Variants in CHD4 observed in about 807,000 individuals in gnomAD.
CHD4 encodes the protein chromodomain helicase DNA binding protein 4.
A neutral mutation model predicts 235.5 loss-of-function variants in CHD4; 35 were observed. The observed-to-expected ratio is 0.15, with a 90% confidence interval of 0.11 to 0.20. The LOEUF (loss-of-function observed/expected upper bound fraction) is 0.20, where lower values mean the gene tolerates loss of function less well. Among genes scored for constraint, CHD4 ranks in the 10% least tolerant of loss-of-function variants. The pLI is 1.00. For missense variants in CHD4, 1,329 were observed against 2,432.3 expected (o/e 0.55, Z 9.54); for synonymous variants, 900 against 850.2 (o/e 1.06, Z -1.02).
intron 33 of CHD4, chr12:6,580,657 A>C (rs1948165100): frequency 5.6e-6 from 1 of 178,768 alleles, no homozygotes; most frequent in Non-Finnish European, 1.1e-5. Flanking sequence ...CAGTAAGCCG[A>C]GATCGCACCA....
Position 6,592,707 on chromosome 12 carries a change from G to C in CHD4, c.2763C>G (p.Pro921=), listed in dbSNP as rs750978209. ...ELFHLLNFLT[P]ERFHNLEGFL... is the part of the protein sequence containing the mutation. ...AAACACATACTTACTGGAACCTCTC[G>C]GGGGTGAGAAAGTTGAGCAGATGAA... Residue 921 remains proline (P), a synonymous_variant, in exon 18 of 40, where the codon CCC becomes CCG. Transcript: ENST00000544040. The C allele has an allele frequency of 3.7e-6, 6 of 1,613,996 alleles. No homozygotes were observed. The highest frequency in any genetic ancestry group is 1.7e-5 in the Admixed American group (1 of 59,988).
intron 25 of CHD4, 33 bp downstream of exon 25, chr12:6,587,351 C>A (rs751323344): frequency 6.3e-7 from 1 of 1,596,918 alleles, no homozygotes; most frequent in Non-Finnish European, 8.6e-7. Flanking sequence ...AGACCAATTA[C>A]CAAGCACAGG....
Position 6,597,666 on chromosome 12 carries a change from T to C in CHD4, c.1892+228A>G, listed in dbSNP as rs373383777. 4.6e-5 allele frequency among the ~76,000 whole-genome samples: 7 copies of C among 152,042 alleles called. No homozygotes were observed. The East Asian group carries it at 9.7e-4, about 21-fold the overall frequency. Reference sequence around the variant, plus strand: ...CTGTAGTCCCAGCTTCTCAGGAGGCTGAGGCAGGATAATCACTTGAATCTG... The same window carrying C: ...CTGTAGTCCCAGCTTCTCAGGAGGCCGAGGCAGGATAATCACTTGAATCTG... On this transcript the variant is annotated intron_variant, in intron 12 of 39. Transcript: ENST00000544040.
At chr12:6,587,188 G>T (rs1391775276) in intron 25 of CHD4, 196 bp downstream of exon 25, 1 of 591,804 alleles carries the variant, frequency 1.7e-6, no homozygotes, top group African/African-American at 1.9e-5. Context: ...TTGGTTGTAA[G>T]TTTTCTGACA....
intron 2 of CHD4, among the ~76,000 whole-genome samples, chr12:6,604,166 T>G (rs1182946438): frequency 6.6e-6 from 1 of 151,990 alleles, no homozygotes; most frequent in Non-Finnish European, 1.5e-5. Flanking sequence ...TCCCAGCTAC[T>G]CAGGAGGCTG....
chr12:6,588,420 G>A lies in CHD4; in HGVS notation c.3343C>T (p.Pro1115Ser). The change falls in exon 23 of 40, where the codon CCG becomes TCG. Residue 1115 changes from proline (P) to serine (S), a missense_variant and splice_region_variant. By Grantham distance (74) the Pro-to-Ser change is moderately conservative (BLOSUM62 -1). Transcript: ENST00000544040. Reference protein sequence around the residue: ...RQEAIDRFNAPGAQQFCFLLS... With the variant: ...RQEAIDRFNASGAQQFCFLLS... ...AAGAAGCAGAACTGCTGAGCACCCGGTGCTAATAAAAGAACCAAAAACACC... is the reference window on the plus strand; with the variant it reads ...AAGAAGCAGAACTGCTGAGCACCCGATGCTAATAAAAGAACCAAAAACACC... The A allele has an allele frequency of 6.2e-7, 1 of 1,613,282 alleles. No individual in the cohort carries two copies. Among genetic ancestry groups the A allele is most frequent in the Non-Finnish European group, 8.5e-7 (1 of 1,179,754 alleles).
intron 14 of CHD4, 57 bp downstream of exon 14, chr12:6,595,277 G>A: frequency 5.1e-6 from 7 of 1,385,956 alleles, no homozygotes; most frequent in Non-Finnish European, 7.2e-6. Context: ...TCATTAGACT[G>A]CAGCAAAGAT....
intron 25 of CHD4, among the ~76,000 whole-genome samples, chr12:6,584,958 C>G (rs1249406820): frequency 6.6e-6 from 1 of 152,138 alleles, no homozygotes; most frequent in Non-Finnish European, 1.5e-5. Flanking sequence ...TTCAGCCACA[C>G]TTACATATAA....
rs144286273 is a variant in CHD4, at chr12:6,601,707, C to T, written c.498G>A (p.Val166=). ...GGGTTCGATAATCCTCCTCTGAGAA[C>T]ACGTGGTCAATGTCTTCCATGCCCC... ...EDWGMEDIDH[V]FSEEDYRTLT... Residue 166 remains valine, a synonymous_variant, in exon 5 of 40, where the codon GTG becomes GTA. Transcript: ENST00000544040. 7 of 1,614,176 alleles carry T rather than the reference C, an allele frequency of 4.3e-6. No individual in the cohort carries two copies. The African/African-American group carries it at 5.3e-5, about 12-fold the overall frequency.
At chr12:6,570,842 G>A (rs1408858078) in intron 39 of CHD4, 27 bp downstream of exon 39, 2 of 1,613,816 alleles carry the variant, frequency 1.2e-6, no homozygotes, top group African/African-American at 1.3e-5. Context: ...GCAGGAAGAG[G>A]TGGTGTCAAG....
At chr12:6,602,626 C>T (rs555755904) in intron 2 of CHD4, 129 bp from the exon 3 acceptor site, 7 of 1,222,194 alleles carry the variant, frequency 5.7e-6, no homozygotes, top group African/African-American at 1.5e-5. Context: ...AACTGCTATA[C>T]TCTGTACAGG....
intron 9 of CHD4, 36 bp downstream of exon 9, chr12:6,600,181 A>C: frequency 6.2e-7 from 1 of 1,608,530 alleles, no homozygotes; most frequent in Non-Finnish European, 8.5e-7. Flanking sequence ...CCTTCTTCTC[A>C]TGGGTTCCAA....
chr12:6,580,356 A>C (rs549938193), intron 33 of CHD4: 1 of 152,210 alleles, frequency 6.6e-6, no homozygotes, highest in African/African-American at 2.4e-5. Flanking sequence ...TGATATCTCT[A>C]CAGCCCCAGC....
Position 6,570,673 on chromosome 12 carries a change from T to C in CHD4, c.*3A>G. The C allele has an allele frequency of 6.2e-7, 1 of 1,614,114 alleles. No individual in the cohort carries two copies. The highest frequency in any genetic ancestry group is 8.5e-7 in the Non-Finnish European group (1 of 1,180,020). ...GCGGTGGAGGTGGTATCAGTCTGCA[T>C]CTTCACTGCTGCTGGGCTACCTAGA... On this transcript the variant is annotated 3_prime_UTR_variant, in exon 40 of 40. Transcript: ENST00000544040.
At chr12:6,590,288 G>C (rs1489186451) in intron 22 of CHD4, 9 of 152,184 alleles carry the variant, frequency 5.9e-5, no homozygotes, top group Admixed American at 4.6e-4. Flanking sequence ...ACGGGACCTG[G>C]GATTGGATCC....
At chr12:6,588,872 G>C (rs935167208) in intron 22 of CHD4, among the ~76,000 whole-genome samples, 1 of 152,044 alleles carries the variant, frequency 6.6e-6, no homozygotes, top group Non-Finnish European at 1.5e-5. Context: ...TTGAGCCCAA[G>C]AGTTCAAGGT....
chr12:6,571,092 C>G (rs1480137925), intron 38 of CHD4, 60 bp from the exon 39 acceptor site: 1 of 1,576,954 alleles, frequency 6.3e-7, no homozygotes, highest in Non-Finnish European at 8.6e-7. Flanking sequence ...TCCCTCTACC[C>G]TAGTGGACCA....
intron 2 of CHD4, among the ~76,000 whole-genome samples, chr12:6,603,935 A>T (rs181601826): frequency 1.3e-5 from 2 of 152,238 alleles, no homozygotes; most frequent in East Asian, 3.9e-4. Context: ...TATCCAACAT[A>T]TGGGAATGTC....
rs1224846941 is a variant in CHD4 at position 6,594,656 on chromosome 12, G to A, written c.2122-6C>T. ...CGCTCATACTTCACTGTTGGCTGAAGGATGAAACAGAGAAGTCAAGAGCTG... is the reference window on the plus strand; with the variant it reads ...CGCTCATACTTCACTGTTGGCTGAAAGATGAAACAGAGAAGTCAAGAGCTG... On this transcript the variant is annotated splice_region_variant and splice_polypyrimidine_tract_variant and intron_variant, in intron 14 of 39. Coordinates refer to ENST00000544040, the MANE Select transcript of CHD4 (RefSeq NM_001273.5). 1.2e-6 allele frequency: 2 copies of A among 1,610,568 alleles called. No homozygotes were observed. The highest frequency in any genetic ancestry group is 8.5e-7 in the Non-Finnish European group (1 of 1,177,976).
Sources: allele counts gnomAD v4.1 joint callset (sites outside exome capture counted in the v4.1 genomes callset), GRCh38; gene constraint gnomAD v4.1.1; transcripts MANE v1.5; gene names NCBI Gene and HGNC (gene_info 2026-07-23, HGNC 2026-07-21).